PPME1: variants seen among roughly 807,000 people sequenced by gnomAD.
PPME1 encodes the protein testicular secretory protein Li 39.
PPME1 carries 17 observed loss-of-function variants against 56.9 expected under a neutral mutation model. The ratio of observed to expected loss-of-function variants is 0.30; its 90% CI spans 0.20 to 0.45. The LOEUF is 0.45. Ranked by LOEUF, PPME1 falls within the 20% of genes least tolerant of loss-of-function variation. The pLI, the probability that PPME1 is intolerant of heterozygous loss-of-function variation, is 1.00. For synonymous variants in PPME1, 122 were observed against 156.2 expected (o/e 0.78, Z 1.63); for missense variants, 357 against 483.2 (o/e 0.74, Z 2.45).
Position 74,230,966 on chromosome 11 carries a change from A to C in PPME1, c.608A>C (p.Lys203Thr), listed in dbSNP as rs1046459001. ...CAGAATTTCTTACGGGGTCGTCCTA[A>C]AACCTTCAAGTCTCTGGAGAATGCT... is the stretch of plus-strand genomic sequence containing the variant. ...SMQNFLRGRP[K>T]TFKSLENAIE... The change falls in exon 7 of 14, where the codon AAA (lysine) becomes ACA (threonine). Residue 203 changes from lysine (K) to threonine (T), a missense_variant. Physicochemically the swap from Lys to Thr is moderately conservative, Grantham distance 78. This residue lies in a region of PPME1 where 182 missense variants were observed against 293.8 expected (regional missense o/e 0.62). Transcript: ENST00000328257. The surrounding 1 kb of genome is among the most constrained non-coding windows in gnomAD (Gnocchi z 4.9). 5 of 1,604,510 alleles carry C rather than the reference A, an allele frequency of 3.1e-6. No individual in the cohort carries two copies. The East Asian group carries it at 1.1e-4, about 36-fold the overall frequency.
chr11:74,176,269 TTAGA>T (rs1009601004), intron 1 of PPME1, among the ~76,000 whole-genome samples: 1 of 152,208 alleles, frequency 6.6e-6, no homozygotes, highest in African/African-American at 2.4e-5. Flanking sequence ...TCATATCTGA[TTAGA>T]TAGTCTTTCA....
chr11:74,225,830 G>T (rs56984031), intron 5 of PPME1, among the ~76,000 whole-genome samples: 15,817 of 152,114 alleles, frequency 0.1, 2,154 homozygotes, highest in African/African-American at 0.32. Flanking sequence ...CCTACTTCTA[G>T]CAGTGGAGTC....
intron 9 of PPME1, among the ~76,000 whole-genome samples, chr11:74,241,597 A>G (rs746173260): frequency 3.9e-5 from 6 of 152,208 alleles, no homozygotes; most frequent in African/African-American, 7.2e-5. Context: ...ACCCTTTTAC[A>G]TTCGCACTTG....
chr11:74,178,304 C>T (rs1376915021), intron 1 of PPME1, among the ~76,000 whole-genome samples: 1 of 152,164 alleles, frequency 6.6e-6, no homozygotes, highest in Admixed American at 6.5e-5. Context: ...TGCAAGCTCC[C>T]CAACAGATTT....
In PPME1 at chr11:74,238,980, C is replaced by A. The variant is rs2135670609; in HGVS notation, c.711-153C>A. The stretch of plus-strand genomic sequence containing the variant: ...GTTATACATTGGCCATGATTTTCCA[C>A]AGCCCTGGAAATGCACAATTCTATC... On this transcript the variant is annotated intron_variant, in intron 8 of 13. Coordinates refer to ENST00000328257, the MANE Select transcript of PPME1 (RefSeq NM_016147.3). The A allele has an allele frequency of 1.7e-5, 13 of 753,084 alleles. 1 individual carries two copies. The highest frequency in any genetic ancestry group is 4.0e-4 in the Middle Eastern group (1 of 2,478). 46.7% of individuals were successfully genotyped at this position (753,084 alleles called of 1,614,324 possible).
At chr11:74,243,036 A>G (rs538314938) in intron 9 of PPME1, among the ~76,000 whole-genome samples, 3 of 152,144 alleles carry the variant, frequency 2.0e-5, no homozygotes, top group Non-Finnish European at 4.4e-5. Context: ...CAGTGAAACA[A>G]TGGGAGATAA....
intron 1 of PPME1, among the ~76,000 whole-genome samples, chr11:74,186,613 C>A (rs1006360992): frequency 9.9e-5 from 15 of 152,068 alleles, no homozygotes; most frequent in African/African-American, 3.6e-4. Context: ...CCATTGTCTC[C>A]TCAAATTTCA....
chr11:74,171,800 C>G (rs1390093596), intron 1 of PPME1, among the ~76,000 whole-genome samples: 1 of 151,902 alleles, frequency 6.6e-6, no homozygotes, highest in African/African-American at 2.4e-5. Context: ...AGAATCACTT[C>G]CACAATAAAG....
intron 1 of PPME1, among the ~76,000 whole-genome samples, chr11:74,171,735 G>GA (rs1857239041): frequency 6.6e-6 from 1 of 152,190 alleles, no homozygotes; most frequent in African/African-American, 2.4e-5. Context: ...TTGTTGAAGG[G>GA]AGAGGGGAAT....
At chr11:74,242,229 A>G (rs954394116) in intron 9 of PPME1, among the ~76,000 whole-genome samples, 9 of 152,346 alleles carry the variant, frequency 5.9e-5, no homozygotes, top group Admixed American at 3.9e-4. Context: ...TTTATTGAAA[A>G]GGCTCCTTTT....
At chr11:74,235,509 ACTC>A (rs746334164) in intron 7 of PPME1, among the ~76,000 whole-genome samples, 14 of 151,630 alleles carry the variant, frequency 9.2e-5, no homozygotes, top group South Asian at 8.4e-4. Flanking sequence ...TGTTATCTAT[ACTC>A]CTCAGTTTAG....
chr11:74,253,858 A>G lies in PPME1; in HGVS notation c.*348A>G. On this transcript the variant is annotated 3_prime_UTR_variant, in exon 14 of 14. Transcript: ENST00000328257. ...AGCATCAGGCGATACATCTGAGTTC[A>G]AATGTCTTCCCAGGCTCAGGGACCT... 1 of 415,808 alleles carries G rather than the reference A, an allele frequency of 2.4e-6. No homozygotes were observed. Among genetic ancestry groups the G allele is most frequent in the Non-Finnish European group, 4.3e-6 (1 of 232,086 alleles). 25.8% of individuals were successfully genotyped at this position (415,808 alleles called of 1,614,324 possible). A position where few individuals can be genotyped will look rare whatever the true frequency, so the allele number is the denominator to read the frequency against.
Position 74,231,016 on chromosome 11 carries a change from C to T in PPME1, c.644+14C>T. 6.5e-7 allele frequency: 1 copy of T among 1,541,220 alleles called. No individual in the cohort carries two copies. Among genetic ancestry groups the T allele is most frequent in the Non-Finnish European group, 8.9e-7 (1 of 1,127,692 alleles). ...TATTGAATGGAGGTAACCAACAAAT[C>T]TTTGTCGCCTTTATTTAATTAATTT... On this transcript the variant is annotated intron_variant, in intron 7 of 13. Coordinates refer to ENST00000328257, the MANE Select transcript of PPME1 (RefSeq NM_016147.3).
rs141088201 is a variant in PPME1 at position 74,214,089 on chromosome 11, A to G, written c.289-8223A>G. ...TTGAGGAAATTCAACAAAATTTGAG[A>G]TAACAGAGAAGGAATTCAGAAAATT... On this transcript the variant is annotated intron_variant, in intron 3 of 13. Transcript: ENST00000328257. Among the ~76,000 whole-genome samples the G allele has an allele frequency of 2.0e-3, 309 of 152,376 alleles. 1 individual carries two copies. Among genetic ancestry groups the G allele is most frequent in the Non-Finnish European group, 3.9e-3 (266 of 68,038 alleles).
rs1452519858 is a variant in PPME1, at chr11:74,204,449, A to T, written c.288+4A>T. The T allele has an allele frequency of 6.2e-7, 1 of 1,605,284 alleles. No homozygotes were observed. The highest frequency in any genetic ancestry group is 8.5e-7 in the Non-Finnish European group (1 of 1,172,626). ...CCTTTCTTGGGCTGTGTTCACGGTA[A>T]GTAGGTTGTTGATAGTACAAGTTAA... On this transcript the variant is annotated splice_donor_region_variant and intron_variant, in intron 3 of 13. Coordinates refer to ENST00000328257, the MANE Select transcript of PPME1 (RefSeq NM_016147.3).
chr11:74,183,373 T>C (rs891370562), intron 1 of PPME1, among the ~76,000 whole-genome samples: 3 of 152,234 alleles, frequency 2.0e-5, no homozygotes, highest in Non-Finnish European at 4.4e-5. Flanking sequence ...TGTTTAGTTA[T>C]ATGAAACATT....
In PPME1 at chr11:74,230,690, C is replaced by T; in HGVS notation, c.554-222C>T. Reference sequence around the variant, plus strand: ...TCTTTTCTGACCCAGCTTCAGAAGTCACACTGCTGCTTGTGAATACAAGTC... The same window carrying T: ...TCTTTTCTGACCCAGCTTCAGAAGTTACACTGCTGCTTGTGAATACAAGTC... On this transcript the variant is annotated intron_variant, in intron 6 of 13. Transcript: ENST00000328257. This position sits in a 1 kb window ranked among gnomAD's most constrained non-coding sequence, Gnocchi z 4.9. 1 of 598,084 alleles carries T rather than the reference C, an allele frequency of 1.7e-6. No homozygotes were observed. Among genetic ancestry groups the T allele is most frequent in the South Asian group, 2.1e-5 (1 of 46,694 alleles). The allele number at this position is 598,084 out of a possible 1,614,324, so 37.0% of individuals were successfully genotyped here.
At chr11:74,214,462 A>T (rs1025238794) in intron 3 of PPME1, among the ~76,000 whole-genome samples, 2 of 152,202 alleles carry the variant, frequency 1.3e-5, no homozygotes, top group African/African-American at 4.8e-5. Context: ...TCAGTATTCA[A>T]ATAAAAGAAG....
chr11:74,178,077 T>C (rs1393415602), intron 1 of PPME1, among the ~76,000 whole-genome samples: 1 of 152,132 alleles, frequency 6.6e-6, no homozygotes. Context: ...TGTTCCAGGG[T>C]TCATTCAGTT....
Sources: allele counts gnomAD v4.1 joint callset (sites outside exome capture counted in the v4.1 genomes callset), GRCh38; gene constraint gnomAD v4.1.1; regional missense constraint gnomAD v4.1.1; non-coding constraint Gnocchi (gnomAD v3.1); transcripts MANE v1.5; gene names NCBI Gene and HGNC (gene_info 2026-07-23, HGNC 2026-07-21).